The following ABHD12 variants were observed in gnomAD, a reference collection of about 807,000 sequenced individuals.
ABHD12 encodes lysophosphatidylserine lipase ABHD12.
In ABHD12, 43 loss-of-function variants were observed where a neutral mutation model predicts 58.3. That is an observed-to-expected ratio of 0.74 (90% CI 0.58 to 0.95). The LOEUF (loss-of-function observed/expected upper bound fraction) is 0.95, where lower values mean the gene tolerates loss of function less well. Ranked by LOEUF, ABHD12 falls within the 40% of genes least tolerant of loss-of-function variation. ABHD12 has a pLI of 0.00. For synonymous variants in ABHD12, 219 were observed against 211.2 expected (o/e 1.04, Z -0.32); for missense variants, 539 against 537.2 (o/e 1.00, Z -0.03).
intron 5 of ABHD12, 97 bp downstream of exon 5, chr20:25,316,951 A>G: frequency 8.9e-7 from 1 of 1,117,702 alleles, no homozygotes; most frequent in South Asian, 1.3e-5. Context: ...CAGCCCAGCA[A>G]TAGTTAACTC....
intron 6 of ABHD12, among the ~76,000 whole-genome samples, chr20:25,314,075 C>T (rs1308323514): frequency 1.3e-5 from 2 of 151,826 alleles, no homozygotes; most frequent in Non-Finnish European, 2.9e-5. Context: ...CAGGTTCAAG[C>T]GCTTCTCCTG....
At chr20:25,320,694 C>A (rs1480505917) in intron 3 of ABHD12, among the ~76,000 whole-genome samples, 1 of 152,230 alleles carries the variant, frequency 6.6e-6, no homozygotes, top group African/African-American at 2.4e-5. Flanking sequence ...TCCCAGTTAA[C>A]CCCATGCTTA....
chr20:25,385,331 CAAAAAAAAAAAAA>C lies in ABHD12; in HGVS notation c.191+5169_191+5181del, dbSNP rs11477490. Among the ~76,000 whole-genome samples, 7 of 51,728 alleles carry C rather than the reference CAAAAAAAAAAAAA, an allele frequency of 1.4e-4. No individual in the cohort carries two copies. In the South Asian group the frequency reaches 5.6e-3, roughly 42 times the overall value. The allele number at this position is 51,728 out of a possible 152,430, so 33.9% of individuals were successfully genotyped here. A position where few individuals can be genotyped will look rare whatever the true frequency, so the allele number is the denominator to read the frequency against. ...CAACCTGGACAACAAGAGTGAGACTCAAAAAAAAAAAAAAAAAAAAAAAAGAGGAAAACGGAGG... is the reference window on the plus strand; with the variant it reads ...CAACCTGGACAACAAGAGTGAGACTCAAAAAAAAAAAGAGGAAAACGGAGG... On this transcript the variant is annotated intron_variant, in intron 1 of 12. Transcript: ENST00000339157.
chr20:25,295,090 G>A, intron 12 of ABHD12: 1 of 1,522,804 alleles, frequency 6.6e-7, no homozygotes. Context: ...GTGTGCTTCT[G>A]ACTCGATAGT....
Position 25,376,687 on chromosome 20 carries a change from T to C in ABHD12, c.191+13826A>G, listed in dbSNP as rs551582526. Among the ~76,000 whole-genome samples, 197 of 152,374 alleles carry C rather than the reference T, an allele frequency of 1.3e-3. 1 individual carries two copies. The highest frequency in any genetic ancestry group is 4.6e-3 in the African/African-American group (190 of 41,590). Reference sequence around the variant, plus strand: ...CTTATGTGCTATCTTTGTTGCCGTGTTTCTCCTTCATGAGAACAGAAGTCC... The same window carrying C: ...CTTATGTGCTATCTTTGTTGCCGTGCTTCTCCTTCATGAGAACAGAAGTCC... On this transcript the variant is annotated intron_variant, in intron 1 of 12. Coordinates refer to ENST00000339157, the MANE Select transcript of ABHD12 (RefSeq NM_001042472.3).
At chr20:25,383,349 C>G (rs1344527771) in intron 1 of ABHD12, among the ~76,000 whole-genome samples, 1 of 152,194 alleles carries the variant, frequency 6.6e-6, no homozygotes, top group African/African-American at 2.4e-5. Context: ...TCCCATGCAG[C>G]CCACTGATCT....
At position 25,390,476 on chromosome 20, in the gene ABHD12, G is replaced by GCCCCCCCCCCCCCCCCCCCCCCCCCCCC. The variant is rs773039836; in HGVS notation, c.191+36_191+37insGGGGGGGGGGGGGGGGGGGGGGGGGGGG. ...ACGCACCTGCGCAAAGTGAGGGACC[G>GCCCCCCCCCCCCCCCCCCCCCCCCCCCC]GCCCCCCCCCCCCCCCCGCTCCGCG... On this transcript the variant is annotated intron_variant, in intron 1 of 12. Coordinates refer to ENST00000339157, the MANE Select transcript of ABHD12 (RefSeq NM_001042472.3). 69 of 1,034,930 alleles carry GCCCCCCCCCCCCCCCCCCCCCCCCCCCC rather than the reference G, an allele frequency of 6.7e-5. 19 individuals carry two copies. In the East Asian group the frequency reaches 1.3e-3, roughly 20 times the overall value. The allele number at this position is 1,034,930 out of a possible 1,614,324, so 64.1% of individuals were successfully genotyped here.
intron 2 of ABHD12, among the ~76,000 whole-genome samples, chr20:25,330,861 G>A (rs1350019367): frequency 6.6e-6 from 1 of 151,530 alleles, no homozygotes; most frequent in Non-Finnish European, 1.5e-5. Flanking sequence ...ACAAAGATGG[G>A]GAAAAAAAAG....
chr20:25,388,890 C>T (rs2090131842), intron 1 of ABHD12, among the ~76,000 whole-genome samples: 1 of 151,274 alleles, frequency 6.6e-6, no homozygotes, highest in Admixed American at 6.6e-5. Context: ...CCGCAACCTC[C>T]GCCTCCCAGA....
intron 1 of ABHD12, among the ~76,000 whole-genome samples, chr20:25,341,661 T>G (rs1303645237): frequency 2.0e-5 from 3 of 152,148 alleles, no homozygotes; most frequent in African/African-American, 7.2e-5. Context: ...GCACCAAACC[T>G]GCAACACATC....
chr20:25,323,976 AAC>A (rs1374871476), intron 2 of ABHD12, among the ~76,000 whole-genome samples: 1 of 152,228 alleles, frequency 6.6e-6, no homozygotes, highest in Non-Finnish European at 1.5e-5. Flanking sequence ...ACTGCTGCCT[AAC>A]ACAGAAAAGA....
At position 25,313,837 on chromosome 20, in the gene ABHD12, T is replaced by C. The variant is rs1285216171; in HGVS notation, c.619+1088A>G. ...CCAGTCGCTCATTGTTAACACCAAG[T>C]ATTTCTGTTGCCTATTAAGCCACAG... is the stretch of plus-strand genomic sequence containing the variant. On this transcript the variant is annotated intron_variant, in intron 6 of 12. Coordinates refer to ENST00000339157, the MANE Select transcript of ABHD12 (RefSeq NM_001042472.3). 3.3e-5 allele frequency among the ~76,000 whole-genome samples: 5 copies of C among 152,186 alleles called. No individual in the cohort carries two copies. The East Asian group carries it at 7.7e-4, about 24-fold the overall frequency.
At chr20:25,300,079 G>T, downstream of ABHD12, 2 of 593,800 alleles carry the variant, frequency 3.4e-6, no homozygotes, top group Non-Finnish European at 4.2e-6. Context: ...TTTCTGAGCT[G>T]CTGGGACTAG....
chr20:25,344,089 T>C (rs2089488489), intron 1 of ABHD12, among the ~76,000 whole-genome samples: 1 of 152,116 alleles, frequency 6.6e-6, no homozygotes, highest in Non-Finnish European at 1.5e-5. Context: ...TTAAAAAGCC[T>C]CAGCACACTA....
In ABHD12 at chr20:25,323,306, A is replaced by C; in HGVS notation, c.422+19T>G. On this transcript the variant is annotated intron_variant, in intron 3 of 12. Transcript: ENST00000339157. ...CCTTTCCTGCTGCTGGAGGGGCTGCAGAGCTCACTGGCACTCACCAGACTC... is the reference window on the plus strand; with the variant it reads ...CCTTTCCTGCTGCTGGAGGGGCTGCCGAGCTCACTGGCACTCACCAGACTC... 1 of 1,537,276 alleles carries C rather than the reference A, an allele frequency of 6.5e-7. No individual in the cohort carries two copies. Among genetic ancestry groups the C allele is most frequent in the Non-Finnish European group, 9.0e-7 (1 of 1,109,772 alleles).
intron 1 of ABHD12, among the ~76,000 whole-genome samples, chr20:25,385,787 C>T (rs1422386768): frequency 6.6e-6 from 1 of 152,158 alleles, no homozygotes; most frequent in Non-Finnish European, 1.5e-5. Flanking sequence ...TTAAAAAATT[C>T]TTAAGCTGGC....
intron 12 of ABHD12, chr20:25,295,094 CGAT>C: frequency 6.7e-7 from 1 of 1,489,642 alleles, no homozygotes; most frequent in Non-Finnish European, 9.4e-7. Context: ...GCTTCTGACT[CGAT>C]AGTGAACAGA....
intron 1 of ABHD12, among the ~76,000 whole-genome samples, chr20:25,386,966 A>G (rs1049935190): frequency 6.6e-6 from 1 of 152,244 alleles, no homozygotes; most frequent in African/African-American, 2.4e-5. Flanking sequence ...TGATGATTCA[A>G]TAATATAAAT....
chr20:25,323,303 T>C (rs1404313942), intron 3 of ABHD12, 22 bp downstream of exon 3: 1 of 1,516,556 alleles, frequency 6.6e-7, no homozygotes, highest in East Asian at 2.3e-5. Context: ...CTGGAGGGGC[T>C]GCAGAGCTCA....
Sources: allele counts gnomAD v4.1 joint callset (sites outside exome capture counted in the v4.1 genomes callset), GRCh38; gene constraint gnomAD v4.1.1; transcripts MANE v1.5; gene names NCBI Gene and HGNC (gene_info 2026-07-23, HGNC 2026-07-21).